Variants in FRMPD4 observed in about 807,000 individuals in gnomAD.
The protein encoded by FRMPD4 is FERM and PDZ domain containing 4.
In FRMPD4, 22 loss-of-function variants were observed where a neutral mutation model predicts 94.1. That is an observed-to-expected ratio of 0.23 (90% CI 0.17 to 0.33). The LOEUF is 0.33. FRMPD4 is among the 10% of genes least tolerant of loss of function. The probability of loss-of-function intolerance (pLI) is 1.00; values close to 1 mark genes in which losing one functional copy is unlikely to be tolerated. For missense variants in FRMPD4, 1,111 were observed against 1,339.9 expected, an observed-to-expected ratio of 0.83 and a Z score of 2.67; for synonymous variants, 631 against 548.6, an observed-to-expected ratio of 1.15 and a Z score of -2.10.
At chrX:12,577,611 T>G (rs1219492531) in intron 2 of FRMPD4, among the ~76,000 whole-genome samples, 1 of 111,102 alleles carries the variant, frequency 9.0e-6, no homozygotes, top group Non-Finnish European at 1.9e-5. Flanking sequence ...GAGAGTAGCT[T>G]GGATGGGACC....
chrX:12,170,840 C>A (rs932294006), intron 1 of FRMPD4, among the ~76,000 whole-genome samples: 2 of 112,896 alleles, frequency 1.8e-5, no homozygotes, highest in African/African-American at 6.4e-5. Context: ...ACATAAATGG[C>A]CTGTGAACAT....
rs1234166611 is a variant in FRMPD4 at position 11,935,269 on chromosome X, G to GTTTTTTTTTTTTTTTTTT, written c.95+57261_95+57278dup. ...TTGTTGTTTTTTTTTTTTTTAATGT[G>GTTTTTTTTTTTTTTTTTT]TTTTTTTTTTTTTTTTTTTTTTTTT... On this transcript the variant is annotated intron_variant, in intron 3 of 18. Transcript: ENST00000640291. Among the ~76,000 whole-genome samples, 7 of 5,010 alleles carry GTTTTTTTTTTTTTTTTTT rather than the reference G, an allele frequency of 1.4e-3. 3 individuals carry two copies. The highest frequency in any genetic ancestry group is 5.6e-3 in the Admixed American group (2 of 355). The allele number at this position is 5,010 out of a possible 115,157, so 4.4% of individuals were successfully genotyped here.
At chrX:12,200,915 C>T (rs768616977) in intron 1 of FRMPD4, among the ~76,000 whole-genome samples, 1 of 112,253 alleles carries the variant, frequency 8.9e-6, no homozygotes, top group Admixed American at 9.4e-5. Context: ...CAGCTTCTTC[C>T]ACAGTGGGAA....
intron 1 of FRMPD4, among the ~76,000 whole-genome samples, chrX:12,342,578 G>T (rs1381347751): frequency 8.9e-6 from 1 of 111,901 alleles, no homozygotes; most frequent in East Asian, 2.8e-4. Flanking sequence ...CTCACACTGG[G>T]AAGGCCATCC....
intron 3 of FRMPD4, among the ~76,000 whole-genome samples, chrX:12,084,216 C>T (rs1310249637): frequency 1.9e-5 from 2 of 106,073 alleles, no homozygotes; most frequent in Non-Finnish European, 3.9e-5. Flanking sequence ...CTGGTCTTTC[C>T]TGTGCTATTC....
chrX:12,460,250 GCTT>G (rs1320728169), intron 1 of FRMPD4, among the ~76,000 whole-genome samples: 1 of 111,666 alleles, frequency 9.0e-6, no homozygotes, highest in Non-Finnish European at 1.9e-5. Flanking sequence ...AAAACCAAAA[GCTT>G]CTAATCTTGA....
At chrX:12,009,411 G>T (rs748435707) in intron 3 of FRMPD4, among the ~76,000 whole-genome samples, 2 of 112,117 alleles carry the variant, frequency 1.8e-5, no homozygotes, top group East Asian at 5.5e-4. Flanking sequence ...TACAAATATT[G>T]TTTAAAAATT....
intron 1 of FRMPD4, among the ~76,000 whole-genome samples, chrX:12,469,392 G>A (rs771039250): frequency 3.6e-5 from 4 of 110,907 alleles, no homozygotes; most frequent in African/African-American, 6.6e-5. Flanking sequence ...TGGGATTACC[G>A]GCGCACACTG....
intron 2 of FRMPD4, among the ~76,000 whole-genome samples, chrX:12,519,142 C>A (rs1353626103): frequency 1.8e-5 from 2 of 112,221 alleles, no homozygotes; most frequent in Admixed American, 1.9e-4. Context: ...ACAAATTCAA[C>A]ACAATTCCTG....
intron 3 of FRMPD4, among the ~76,000 whole-genome samples, chrX:12,018,579 G>A (rs1262105070): frequency 9.1e-6 from 1 of 109,492 alleles, no homozygotes; most frequent in Admixed American, 9.7e-5. Flanking sequence ...CCACACCCAG[G>A]TAATTTTTGT....
intron 4 of FRMPD4, among the ~76,000 whole-genome samples, chrX:12,633,976 G>A (rs1231180207): frequency 8.9e-6 from 1 of 111,896 alleles, no homozygotes; most frequent in Non-Finnish European, 1.9e-5. Context: ...TAGACAGAAA[G>A]GTACAAAAAA....
At chrX:12,036,435 G>T (rs2054720672) in intron 3 of FRMPD4, among the ~76,000 whole-genome samples, 1 of 111,632 alleles carries the variant, frequency 9.0e-6, no homozygotes, top group Non-Finnish European at 1.9e-5. Context: ...AGGAAAATTT[G>T]CAAGATAAAA....
At chrX:12,294,260 TGAA>T (rs1254658333) in intron 1 of FRMPD4, among the ~76,000 whole-genome samples, 1 of 111,003 alleles carries the variant, frequency 9.0e-6, no homozygotes, top group African/African-American at 3.3e-5. Flanking sequence ...CTCCATATGA[TGAA>T]ATAAAATGCC....
intron 1 of FRMPD4, among the ~76,000 whole-genome samples, chrX:12,307,740 TAATC>T (rs1488586038): frequency 1.8e-5 from 2 of 111,477 alleles, no homozygotes; most frequent in Non-Finnish European, 3.8e-5. Flanking sequence ...GGAGTAAAAA[TAATC>T]AAAGAAAGCT....
At chrX:12,234,894 T>C (rs192009082) in intron 1 of FRMPD4, among the ~76,000 whole-genome samples, 58 of 111,743 alleles carry the variant, frequency 5.2e-4, no homozygotes, top group African/African-American at 1.8e-3. Flanking sequence ...TTTAAAACTT[T>C]TGGGGATTCA....
chrX:12,323,634 T>G (rs1305979759), intron 1 of FRMPD4, among the ~76,000 whole-genome samples: 2 of 111,545 alleles, frequency 1.8e-5, no homozygotes, highest in African/African-American at 6.5e-5. Context: ...TGTTGAACTC[T>G]TAGTTACCTC....
intron 1 of FRMPD4, among the ~76,000 whole-genome samples, chrX:12,149,877 C>T (rs2055823271): frequency 8.9e-6 from 1 of 111,865 alleles, no homozygotes; most frequent in African/African-American, 3.2e-5. Flanking sequence ...CTTCAGCAAC[C>T]ACCACCTTGA....
At chrX:12,489,524 T>C (rs751789611) in intron 1 of FRMPD4, among the ~76,000 whole-genome samples, 20 of 112,002 alleles carry the variant, frequency 1.8e-4, no homozygotes, top group African/African-American at 6.2e-4. Flanking sequence ...AAATGATGAG[T>C]GTTTGCAAAA....
intron 2 of FRMPD4, among the ~76,000 whole-genome samples, chrX:12,516,518 T>C (rs2058098591): frequency 8.9e-6 from 1 of 112,104 alleles, no homozygotes. Flanking sequence ...TGTTGAATAA[T>C]GCCCCCCAAT....
Sources: gnomAD v4.1 joint callset for allele counts (sites outside exome capture counted in the v4.1 genomes callset) on GRCh38, gnomAD v4.1.1 for gene constraint, MANE v1.5 for transcripts, NCBI Gene and HGNC (gene_info 2026-07-23, HGNC 2026-07-21) for gene names.